TOP2A: variants seen among roughly 807,000 people sequenced by gnomAD.
TOP2A encodes DNA topoisomerase 2-alpha.
TOP2A carries 68 observed loss-of-function variants against 187.2 expected under a neutral mutation model. The ratio of observed to expected loss-of-function variants is 0.36; its 90% CI spans 0.30 to 0.44. The LOEUF (loss-of-function observed/expected upper bound fraction) is 0.44. Among genes scored for constraint, TOP2A ranks in the 20% least tolerant of loss-of-function variants. TOP2A has a pLI of 1.00. For missense variants in TOP2A, 1,196 were observed against 1,808.7 expected (o/e 0.66, Z 6.14); for synonymous variants, 542 against 593.2 (o/e 0.91, Z 1.25).
In TOP2A at chr17:40,392,713, G is replaced by C; in HGVS notation, c.3836C>G (p.Thr1279Arg). 1 of 1,611,582 alleles carries C rather than the reference G, an allele frequency of 6.2e-7. No individual in the cohort carries two copies. ...TTTTTTGATTGGCTTAAATGCCAATGTAGTTTGTTTCTTTGTCTTTGTACC... is the reference window on the plus strand; with the variant it reads ...TTTTTTGATTGGCTTAAATGCCAATCTAGTTTGTTTCTTTGTCTTTGTACC... ...EPGTKTKKQT[T>R]LAFKPIKKGK... Residue 1279 changes from threonine (T) to arginine (R), a missense_variant, in exon 30 of 35, where the codon ACA becomes AGA. Transcript: ENST00000423485.
intron 20 of TOP2A, among the ~76,000 whole-genome samples, chr17:40,402,371 T>C (rs751539590): frequency 1.3e-5 from 2 of 152,102 alleles, no homozygotes; most frequent in Admixed American, 6.5e-5. Flanking sequence ...CATTTGGGAA[T>C]TGAGTGTAGG....
chr17:40,403,040 C>G lies in TOP2A; in HGVS notation c.2298G>C (p.Met766Ile). 1 of 1,598,976 alleles carries G rather than the reference C, an allele frequency of 6.3e-7. No individual in the cohort carries two copies. Among genetic ancestry groups the G allele is most frequent in the Non-Finnish European group, 8.5e-7 (1 of 1,171,956 alleles). ...AATTCTGAGCCAAATTGATAATGGT[C>G]ATCATTAGTGACATCTGTGGGGAAA... ...SYHHGEMSLMMTIINLAQNFV... is the reference protein window; with the variant it reads ...SYHHGEMSLMITIINLAQNFV... Residue 766 changes from methionine to isoleucine, a missense_variant, in exon 20 of 35, where the codon ATG becomes ATC. This residue lies in a region of TOP2A where 209 missense variants were observed against 376.9 expected (regional missense o/e 0.55). Transcript: ENST00000423485.
chr17:40,394,765 A>G (rs908809069), intron 29 of TOP2A, among the ~76,000 whole-genome samples: 1 of 152,366 alleles, frequency 6.6e-6, no homozygotes, highest in East Asian at 1.9e-4. Context: ...TTGAGTGGAC[A>G]TTATTTATAT....
chr17:40,395,033 C>T (rs1339046489), intron 29 of TOP2A, among the ~76,000 whole-genome samples: 1 of 152,086 alleles, frequency 6.6e-6, no homozygotes, highest in Non-Finnish European at 1.5e-5. Flanking sequence ...GCCTGTAATC[C>T]CAGCACTTTG....
At chr17:40,390,372 T>C (rs2035007409) in intron 33 of TOP2A, among the ~76,000 whole-genome samples, 1 of 151,784 alleles carries the variant, frequency 6.6e-6, no homozygotes, top group African/African-American at 2.4e-5. Context: ...GTATTTTTAG[T>C]AGAGATGGGA....
intron 4 of TOP2A, among the ~76,000 whole-genome samples, chr17:40,414,058 A>G (rs940473700): frequency 2.0e-5 from 3 of 147,952 alleles, no homozygotes; most frequent in Non-Finnish European, 4.6e-5. Context: ...AGTCAAGAGG[A>G]AAAAAAAACC....
chr17:40,402,935 A>C lies in TOP2A; in HGVS notation c.2403T>G (p.Ala801=), dbSNP rs1412589629. The C allele has an allele frequency of 6.2e-7, 1 of 1,609,514 alleles. No individual in the cohort carries two copies. The highest frequency in any genetic ancestry group is 1.3e-5 in the African/African-American group (1 of 75,026). ...GCATTGTAAAGATGTATCGTGGACT[A>C]GCAGAATCCTTGCCACCATGTAGCC... ...GTRLHGGKDS[A]SPRYIFTMLS... Residue 801 remains alanine (A), a synonymous_variant, in exon 20 of 35, where the codon GCT becomes GCG. Transcript: ENST00000423485.
chr17:40,417,574 C>T (rs1011719362), intron 1 of TOP2A, 197 bp downstream of exon 1: 7 of 1,437,456 alleles, frequency 4.9e-6, no homozygotes, highest in East Asian at 2.5e-5. Context: ...CCCTGGAAGC[C>T]GGGTCATACT....
intron 1 of TOP2A, 42 bp downstream of exon 1, chr17:40,417,729 C>T (rs1450701317): frequency 1.2e-6 from 2 of 1,611,186 alleles, no homozygotes; most frequent in Non-Finnish European, 1.7e-6. Context: ...GATGCCCGGG[C>T]CGCGCGGAGG....
intron 4 of TOP2A, among the ~76,000 whole-genome samples, chr17:40,414,691 TA>T (rs563230443): frequency 1.3e-5 from 2 of 150,966 alleles, no homozygotes; most frequent in South Asian, 2.1e-4. Flanking sequence ...CCATCTCTAC[TA>T]AAAAAAATAC....
At chr17:40,404,960 G>A (rs1188584422) in intron 16 of TOP2A, 77 bp from the exon 17 acceptor site, 12 of 833,972 alleles carry the variant, frequency 1.4e-5, no homozygotes, top group Admixed American at 6.0e-5. Context: ...TACAAAGAAC[G>A]AACAACAGAA....
At position 40,412,788 on chromosome 17, in the gene TOP2A, T is replaced by C. The variant is rs1410779848; in HGVS notation, c.760A>G (p.Lys254Glu). The C allele has an allele frequency of 1.2e-6, 2 of 1,613,830 alleles. No individual in the cohort carries two copies. The highest frequency in any genetic ancestry group is 8.5e-7 in the Non-Finnish European group (1 of 1,179,828). The change falls in exon 7 of 35, where the codon AAA becomes GAA. Residue 254 changes from lysine (K) to glutamate (E), a missense_variant. Physicochemically the swap from Lys to Glu is moderately conservative, Grantham distance 56. This residue lies in a region of TOP2A where 252 missense variants were observed against 434.8 expected (regional missense o/e 0.58). Transcript: ENST00000423485. ...AGTTTATTTCCATTAAGAAAGACTT[T>C]GACATCTTTGGTGGATCCAGCAATA... ...YDIAGSTKDV[K>E]VFLNGNKLPV...
At chr17:40,392,863 C>G in intron 29 of TOP2A, 126 bp from the exon 30 acceptor site, 1 of 800,302 alleles carries the variant, frequency 1.2e-6, no homozygotes, top group South Asian at 1.9e-5. Context: ...TGAAAAGAGA[C>G]AGATATGGTC....
At chr17:40,398,374 G>C (rs549211218) in intron 27 of TOP2A, among the ~76,000 whole-genome samples, 184 bp downstream of exon 27, 1 of 152,076 alleles carries the variant, frequency 6.6e-6, no homozygotes, top group African/African-American at 2.4e-5. Flanking sequence ...AAAATGCTGG[G>C]ATTACCAGCG....
intron 34 of TOP2A, 111 bp from the exon 35 acceptor site, chr17:40,389,758 A>T (rs2034999725): frequency 7.1e-7 from 1 of 1,399,300 alleles, no homozygotes; most frequent in African/African-American, 1.5e-5. Context: ...TTTTCTACCA[A>T]GTAATAAGAA....
rs370633787 is a variant in TOP2A, at chr17:40,398,424, G to A, written c.3537+134C>T. The A allele has an allele frequency of 3.7e-5, 29 of 786,696 alleles. 1 individual carries two copies. In the African/African-American group the frequency reaches 4.2e-4, roughly 11 times the overall value. 48.7% of individuals were successfully genotyped at this position (786,696 alleles called of 1,614,324 possible). A position where few individuals can be genotyped will look rare whatever the true frequency, so the allele number is the denominator to read the frequency against. ...TGGCCAATAATCTGTTCTTTTATACGCTATTTGGAATTTATCCTTATGCCT... is the reference window on the plus strand; with the variant it reads ...TGGCCAATAATCTGTTCTTTTATACACTATTTGGAATTTATCCTTATGCCT... On this transcript the variant is annotated intron_variant, in intron 27 of 34. Coordinates refer to ENST00000423485, the MANE Select transcript of TOP2A (RefSeq NM_001067.4).
chr17:40,417,252 C>T (rs1324641103), intron 1 of TOP2A, among the ~76,000 whole-genome samples: 13 of 152,084 alleles, frequency 8.5e-5, no homozygotes, highest in Admixed American at 2.6e-4. Context: ...CCCGAGCACA[C>T]GACACCGTAA....
intron 17 of TOP2A, 45 bp downstream of exon 17, chr17:40,404,746 G>T: frequency 7.8e-7 from 1 of 1,278,168 alleles, no homozygotes; most frequent in Non-Finnish European, 1.1e-6. Flanking sequence ...ATACCAAAAG[G>T]TCAGTCTAAC....
chr17:40,412,225 A>G (rs1400848033), intron 7 of TOP2A, among the ~76,000 whole-genome samples: 1 of 152,206 alleles, frequency 6.6e-6, no homozygotes, highest in Non-Finnish European at 1.5e-5. Flanking sequence ...TAAAAAAAGG[A>G]CATGAAATAT....
Sources: gnomAD v4.1 joint callset for allele counts (sites outside exome capture counted in the v4.1 genomes callset) on GRCh38, gnomAD v4.1.1 for gene constraint, gnomAD v4.1.1 regional missense constraint, MANE v1.5 for transcripts, NCBI Gene and HGNC (gene_info 2026-07-23, HGNC 2026-07-21) for gene names.